PAK5: variants seen among roughly 807,000 people sequenced by gnomAD.
The protein encoded by PAK5 is serine/threonine-protein kinase PAK 5.
A neutral mutation model predicts 65.9 loss-of-function variants in PAK5; 16 were observed. The ratio of observed to expected loss-of-function variants is 0.24; its 90% confidence interval spans 0.16 to 0.37. The LOEUF is 0.37. PAK5 is among the 10% of genes least tolerant of loss of function. The probability of loss-of-function intolerance (pLI) is 1.00; values close to 1 mark genes in which losing one functional copy is unlikely to be tolerated. For synonymous variants in PAK5, 371 were observed against 354.9 expected (o/e 1.05, Z -0.51); for missense variants, 785 against 903.9 (o/e 0.87, Z 1.69).
chr20:9,568,228 G>T (rs542408939), intron 4 of PAK5, among the ~76,000 whole-genome samples: 87 of 152,348 alleles, frequency 5.7e-4, no homozygotes, highest in Middle Eastern at 3.4e-3. Flanking sequence ...TTGGTGGCAA[G>T]AGTGGAAACA....
chr20:9,617,323 C>T (rs1281084118), intron 3 of PAK5, among the ~76,000 whole-genome samples: 1 of 152,082 alleles, frequency 6.6e-6, no homozygotes, highest in African/African-American at 2.4e-5. Flanking sequence ...AACGAGTTAG[C>T]CCAGTGGTTC....
At chr20:9,572,848 G>A (rs377072154) in intron 4 of PAK5, among the ~76,000 whole-genome samples, 1 of 152,284 alleles carries the variant, frequency 6.6e-6, no homozygotes. Context: ...TTGTGAACGA[G>A]TAACTCCTTA....
At chr20:9,720,233 C>T (rs2048198422) in intron 1 of PAK5, among the ~76,000 whole-genome samples, 1 of 152,064 alleles carries the variant, frequency 6.6e-6, no homozygotes, top group Non-Finnish European at 1.5e-5. Context: ...AGATAGACTT[C>T]AAGGGTTCCA....
chr20:9,588,302 T>A (rs1381924831), intron 3 of PAK5, among the ~76,000 whole-genome samples: 1 of 152,250 alleles, frequency 6.6e-6, no homozygotes, highest in African/African-American at 2.4e-5. Flanking sequence ...AACTAAGGCA[T>A]GTCCTAAGAC....
chr20:9,556,545 C>G (rs777159168), intron 7 of PAK5, among the ~76,000 whole-genome samples: 2 of 152,190 alleles, frequency 1.3e-5, no homozygotes, highest in East Asian at 3.9e-4. Context: ...ATGCCAAGGC[C>G]ATTGCCTCTG....
chr20:9,574,175 G>A (rs993860202), intron 4 of PAK5, among the ~76,000 whole-genome samples: 2 of 152,134 alleles, frequency 1.3e-5, no homozygotes, highest in Non-Finnish European at 2.9e-5. Context: ...AGGGGAATGG[G>A]ACTCATTGAA....
At chr20:9,616,744 C>T (rs1038414954) in intron 3 of PAK5, among the ~76,000 whole-genome samples, 2 of 152,152 alleles carry the variant, frequency 1.3e-5, no homozygotes, top group Admixed American at 1.3e-4. Flanking sequence ...TGCGTCCTTC[C>T]TTAGGGGCCT....
intron 4 of PAK5, 131 bp from the exon 5 acceptor site, chr20:9,566,515 C>A (rs1404266114): frequency 5.7e-6 from 5 of 882,194 alleles, no homozygotes; most frequent in Non-Finnish European, 8.9e-6. Flanking sequence ...CTGGCTGGGG[C>A]ACCAACAGGA....
intron 1 of PAK5, among the ~76,000 whole-genome samples, chr20:9,773,924 T>C (rs950716687): frequency 2.0e-5 from 3 of 152,190 alleles, no homozygotes; most frequent in African/African-American, 7.2e-5. Context: ...GCAGTAACTG[T>C]TCCCTATTGC....
chr20:9,547,477 C>T (rs2045362372), intron 7 of PAK5, among the ~76,000 whole-genome samples: 2 of 152,154 alleles, frequency 1.3e-5, no homozygotes, highest in Admixed American at 1.3e-4. Context: ...ATATTATTAT[C>T]TCCATTTTAC....
chr20:9,712,001 A>T (rs2048082771), intron 1 of PAK5, among the ~76,000 whole-genome samples: 1 of 152,190 alleles, frequency 6.6e-6, no homozygotes, highest in Non-Finnish European at 1.5e-5. Context: ...TTGTTGATTT[A>T]TTAAGATGGA....
At chr20:9,730,391 T>C (rs565243445) in intron 1 of PAK5, among the ~76,000 whole-genome samples, 12 of 152,330 alleles carry the variant, frequency 7.9e-5, no homozygotes, top group African/African-American at 2.9e-4. Context: ...GCTACTATAC[T>C]GCTATGTTTT....
At chr20:9,783,148 C>A (rs2048959898) in intron 1 of PAK5, among the ~76,000 whole-genome samples, 2 of 152,020 alleles carry the variant, frequency 1.3e-5, no homozygotes, top group African/African-American at 4.8e-5. Flanking sequence ...CTTGGTCAGG[C>A]TGGTCTTGAA....
intron 2 of PAK5, among the ~76,000 whole-genome samples, chr20:9,699,200 G>A (rs1405067818): frequency 6.6e-6 from 1 of 152,118 alleles, no homozygotes. Flanking sequence ...ACACAGTCCT[G>A]ATTGTAATAT....
At position 9,539,443 on chromosome 20, in the gene PAK5, A is replaced by C; in HGVS notation, c.*19T>G. ...TCTCATGTCCTCATCTAGCTTTGCC[A>C]CCTACACGAATCCTCTGCTCAGTGA... On this transcript the variant is annotated 3_prime_UTR_variant, in exon 10 of 10. Transcript: ENST00000353224. 1 of 1,611,112 alleles carries C rather than the reference A, an allele frequency of 6.2e-7. No homozygotes were observed. Among genetic ancestry groups the C allele is most frequent in the Non-Finnish European group, 8.5e-7 (1 of 1,177,684 alleles).
chr20:9,657,508 TG>T (rs1288931871), intron 2 of PAK5, among the ~76,000 whole-genome samples: 21 of 152,234 alleles, frequency 1.4e-4, no homozygotes, highest in African/African-American at 4.1e-4. Context: ...ATTTTTATAT[TG>T]GTTATATATT....
In PAK5 at chr20:9,793,002, C is replaced by G. The variant is rs148772326; in HGVS notation, c.-162+45760G>C. The stretch of plus-strand genomic sequence containing the variant: ...CTGCCTCAGCAGAATACTTTGAAAA[C>G]TTAGGTGGGAAAGGTTTTTTTCTAA... On this transcript the variant is annotated intron_variant, in intron 1 of 9. Coordinates refer to ENST00000353224, the MANE Select transcript of PAK5 (RefSeq NM_177990.4). Among the ~76,000 whole-genome samples, 16 of 152,248 alleles carry G rather than the reference C, an allele frequency of 1.1e-4. No homozygotes were observed. The East Asian group carries it at 3.1e-3, about 29-fold the overall frequency.
intron 1 of PAK5, among the ~76,000 whole-genome samples, chr20:9,754,086 T>C (rs968988838): frequency 1.3e-5 from 2 of 152,170 alleles, no homozygotes; most frequent in Non-Finnish European, 2.9e-5. Flanking sequence ...CCCCTTCCCA[T>C]ATCTTTCCAG....
chr20:9,728,375 G>A (rs554832774), intron 1 of PAK5, among the ~76,000 whole-genome samples: 14 of 152,138 alleles, frequency 9.2e-5, no homozygotes, highest in Admixed American at 4.6e-4. Context: ...TAAGAGGTGC[G>A]CTGTTTGCTA....
Sources: gnomAD v4.1 joint callset for allele counts (sites outside exome capture counted in the v4.1 genomes callset) on GRCh38, gnomAD v4.1.1 for gene constraint, MANE v1.5 for transcripts, NCBI Gene and HGNC (gene_info 2026-07-23, HGNC 2026-07-21) for gene names.